The following L3MBTL3 variants were observed in gnomAD, a reference collection of about 807,000 sequenced individuals.
The protein encoded by L3MBTL3 is lethal(3)malignant brain tumor-like protein 3.
L3MBTL3 carries 27 observed loss-of-function variants against 102.3 expected under a neutral mutation model. The observed-to-expected ratio is 0.26, with a 90% CI of 0.19 to 0.36. The LOEUF is 0.36. Ranked by LOEUF, L3MBTL3 falls within the 10% of genes least tolerant of loss-of-function variation. The pLI is 1.00. For missense variants in L3MBTL3, 798 were observed against 955.3 expected, an observed-to-expected ratio of 0.84 and a Z score of 2.17; for synonymous variants, 340 against 320.9, an observed-to-expected ratio of 1.06 and a Z score of -0.64.
At chr6:130,025,925 T>A (rs1779312410) in intron 2 of L3MBTL3, among the ~76,000 whole-genome samples, 1 of 152,150 alleles carries the variant, frequency 6.6e-6, no homozygotes, top group African/African-American at 2.4e-5. Context: ...TTGGGCTCAG[T>A]ATATTCCTAA....
chr6:130,104,484 C>G lies in L3MBTL3; in HGVS notation c.1795C>G (p.Arg599Gly). 6.3e-7 allele frequency: 1 copy of G among 1,599,376 alleles called. No individual in the cohort carries two copies. The highest frequency in any genetic ancestry group is 8.5e-7 in the Non-Finnish European group (1 of 1,173,180). ...GAATAAAGACCGTATTTTTCCAGACCGCTTAAGTGGTGAGATGCCTCCGGC... is the reference window on the plus strand; with the variant it reads ...GAATAAAGACCGTATTTTTCCAGACGGCTTAAGTGGTGAGATGCCTCCGGC... Reference protein sequence around the residue: ...NLNKDRIFPDRLSGEMPPASP... With the variant: ...NLNKDRIFPDGLSGEMPPASP... Residue 599 changes from arginine (R) to glycine (G), a missense_variant, in exon 19 of 23, where the codon CGC becomes GGC. Arg to Gly is a moderately radical substitution (Grantham distance 125, BLOSUM62 -2). Transcript: ENST00000361794.
At chr6:130,058,573 A>G (rs547436624) in intron 9 of L3MBTL3, among the ~76,000 whole-genome samples, 2 of 152,306 alleles carry the variant, frequency 1.3e-5, no homozygotes, top group Non-Finnish European at 2.9e-5. Flanking sequence ...ACAGAGCAAG[A>G]CCCTGTCTCT....
At chr6:130,134,255 G>T (rs1022576609) in intron 22 of L3MBTL3, among the ~76,000 whole-genome samples, 2 of 152,136 alleles carry the variant, frequency 1.3e-5, no homozygotes, top group African/African-American at 4.8e-5. Flanking sequence ...TTTTAATAAA[G>T]TGAAATTAGT....
chr6:130,064,379 G>A (rs758424508), intron 10 of L3MBTL3, among the ~76,000 whole-genome samples: 3 of 152,054 alleles, frequency 2.0e-5, no homozygotes, highest in African/African-American at 4.8e-5. Flanking sequence ...TGTGTCCCAG[G>A]GTTGGATTTT....
At chr6:130,091,137 A>T (rs954629344) in intron 16 of L3MBTL3, among the ~76,000 whole-genome samples, 17 of 152,220 alleles carry the variant, frequency 1.1e-4, no homozygotes, top group African/African-American at 4.1e-4. Flanking sequence ...CATGTAATCA[A>T]ATTGATCAGT....
intron 5 of L3MBTL3, 89 bp from the exon 6 acceptor site, chr6:130,051,160 A>G: frequency 9.0e-7 from 1 of 1,108,624 alleles, no homozygotes; most frequent in Non-Finnish European, 1.3e-6. Flanking sequence ...TTGTGTTGCT[A>G]ACAAAATTAT....
chr6:130,103,463 T>G (rs1784816756), intron 18 of L3MBTL3, among the ~76,000 whole-genome samples: 1 of 152,218 alleles, frequency 6.6e-6, no homozygotes, highest in Admixed American at 6.5e-5. Flanking sequence ...AGCTAGACAC[T>G]GTTTAAAAAT....
intron 16 of L3MBTL3, among the ~76,000 whole-genome samples, chr6:130,091,031 G>GTTCT (rs35024746): frequency 0.064 from 9,667 of 152,192 alleles, 443 homozygotes; most frequent in Non-Finnish European, 0.1. Flanking sequence ...GAGGAAGAGA[G>GTTCT]TTCTTGACAC....
At chr6:130,129,318 A>G (rs1786846042) in intron 20 of L3MBTL3, among the ~76,000 whole-genome samples, 1 of 152,200 alleles carries the variant, frequency 6.6e-6, no homozygotes, top group Non-Finnish European at 1.5e-5. Flanking sequence ...ATTAGACTGA[A>G]TAGATTAATT....
At chr6:130,068,241 T>C in intron 11 of L3MBTL3, 89 bp from the exon 12 acceptor site, 1 of 649,316 alleles carries the variant, frequency 1.5e-6, no homozygotes. Flanking sequence ...TGATTGATTT[T>C]GGCATGTTAG....
chr6:130,115,749 TTGAG>T lies in L3MBTL3; in HGVS notation c.1887-5128_1887-5125del, dbSNP rs369063981. ...TCTTTATTAAAAACCAAAAGTATTCTTGAGTAAGATTTCACTATGATTGTATTTC... is the reference window on the plus strand; with the variant it reads ...TCTTTATTAAAAACCAAAAGTATTCTTAAGATTTCACTATGATTGTATTTC... On this transcript the variant is annotated intron_variant, in intron 19 of 22. Coordinates refer to ENST00000361794, the MANE Select transcript of L3MBTL3 (RefSeq NM_032438.4). Among the ~76,000 whole-genome samples, 662 of 152,346 alleles carry T rather than the reference TTGAG, an allele frequency of 4.3e-3. 3 individuals carry two copies. Among genetic ancestry groups the T allele is most frequent in the African/African-American group, 0.015 (618 of 41,584 alleles).
chr6:130,050,082 T>C (rs9385532), intron 5 of L3MBTL3, among the ~76,000 whole-genome samples: 81,518 of 152,096 alleles, frequency 0.54, 25,344 homozygotes, highest in East Asian at 0.76. Flanking sequence ...ATCTTTGCCA[T>C]GGCCTTAATG....
At chr6:130,033,607 T>C (rs1215366751) in intron 2 of L3MBTL3, among the ~76,000 whole-genome samples, 1 of 152,208 alleles carries the variant, frequency 6.6e-6, no homozygotes, top group East Asian at 1.9e-4. Flanking sequence ...TTTAGTTCCT[T>C]GACACCAGGC....
chr6:130,039,206 T>G (rs1279210236), intron 2 of L3MBTL3, among the ~76,000 whole-genome samples: 2 of 152,102 alleles, frequency 1.3e-5, no homozygotes, highest in Non-Finnish European at 2.9e-5. Flanking sequence ...GCTTATTAAT[T>G]TAGAGCAAAT....
chr6:130,124,624 C>T (rs1786470056), intron 20 of L3MBTL3, among the ~76,000 whole-genome samples: 1 of 152,134 alleles, frequency 6.6e-6, no homozygotes, highest in Non-Finnish European at 1.5e-5. Flanking sequence ...TTGTATCTTT[C>T]TTGAAGGTAA....
chr6:130,137,144 CTG>C (rs1212134792), intron 22 of L3MBTL3, among the ~76,000 whole-genome samples: 7 of 152,162 alleles, frequency 4.6e-5, no homozygotes, highest in African/African-American at 1.7e-4. Context: ...CCTTTACACT[CTG>C]AGAAAGACTC....
intron 12 of L3MBTL3, among the ~76,000 whole-genome samples, chr6:130,069,975 A>T (rs990106455): frequency 2.0e-5 from 3 of 152,228 alleles, no homozygotes; most frequent in Non-Finnish European, 4.4e-5. Context: ...ACATTTTCAG[A>T]TACACGGCTG....
intron 20 of L3MBTL3, among the ~76,000 whole-genome samples, chr6:130,128,035 A>G (rs1188228930): frequency 6.6e-6 from 1 of 152,182 alleles, no homozygotes; most frequent in Non-Finnish European, 1.5e-5. Flanking sequence ...TTGCATAAGT[A>G]TTTATACTTC....
At chr6:130,037,129 A>G (rs890964214) in intron 2 of L3MBTL3, among the ~76,000 whole-genome samples, 6 of 152,246 alleles carry the variant, frequency 3.9e-5, no homozygotes, top group Non-Finnish European at 8.8e-5. Flanking sequence ...GATTGAATCA[A>G]ACTTACAAAA....
Sources: allele counts gnomAD v4.1 joint callset (sites outside exome capture counted in the v4.1 genomes callset), GRCh38; gene constraint gnomAD v4.1.1; transcripts MANE v1.5; gene names NCBI Gene and HGNC (gene_info 2026-07-23, HGNC 2026-07-21).